PCDH9: variants seen among roughly 807,000 people sequenced by gnomAD.
PCDH9 encodes protocadherin-9.
A neutral mutation model predicts 70.6 loss-of-function variants in PCDH9; 24 were observed. The observed-to-expected ratio is 0.34, with a 90% CI of 0.25 to 0.48. PCDH9 has a LOEUF of 0.48. PCDH9 is among the 20% of genes least tolerant of loss of function. The pLI is 0.99. For missense variants in PCDH9, 1,281 were observed against 1,503.6 expected (o/e 0.85, Z 2.45); for synonymous variants, 562 against 558.5 (o/e 1.01, Z -0.09).
At chr13:66,525,810 C>T (rs9540790) in intron 4 of PCDH9, among the ~76,000 whole-genome samples, 36,798 of 152,032 alleles carry the variant, frequency 0.24, 4,862 homozygotes, top group East Asian at 0.34. Flanking sequence ...AGCTTGTCAT[C>T]TCTTTCAAAT....
intron 4 of PCDH9, among the ~76,000 whole-genome samples, chr13:66,501,958 C>A (rs1384249727): frequency 6.6e-6 from 1 of 152,014 alleles, no homozygotes; most frequent in African/African-American, 2.4e-5. Flanking sequence ...GAGTGCTGTT[C>A]TGGTCTGGAG....
Position 66,419,120 on chromosome 13 carries a change from C to T in PCDH9, c.3341-114092G>A, listed in dbSNP as rs554184722. ...TAATAGCCTACCAACCAAAAAAAGC[C>T]CAGGACCAGACGGATTTTCTATTGT... On this transcript the variant is annotated intron_variant, in intron 4 of 4. Transcript: ENST00000377865. Among the ~76,000 whole-genome samples, 13 of 152,046 alleles carry T rather than the reference C, an allele frequency of 8.6e-5. No individual in the cohort carries two copies. The South Asian group carries it at 2.7e-3, about 32-fold the overall frequency.
In PCDH9 at chr13:66,952,762, T is replaced by C. The variant is rs145890551; in HGVS notation, c.3037-49157A>G. Among the ~76,000 whole-genome samples the C allele has an allele frequency of 2.8e-4, 42 of 152,204 alleles. 1 individual carries two copies. In the South Asian group the frequency reaches 5.8e-3, roughly 21 times the overall value. The stretch of plus-strand genomic sequence containing the variant: ...CTTTTTCCCAAGCCACCATCTTCTA[T>C]TGACCAGCCTAAACTCTCACACCTA... On this transcript the variant is annotated intron_variant, in intron 2 of 4. Transcript: ENST00000377865.
At chr13:66,498,182 C>T (rs1206544811) in intron 4 of PCDH9, among the ~76,000 whole-genome samples, 8 of 141,568 alleles carry the variant, frequency 5.7e-5, no homozygotes, top group South Asian at 4.7e-4. Flanking sequence ...CTCGCTCTGT[C>T]GCCCAGGCTG....
chr13:67,061,380 T>C (rs2085535791), intron 2 of PCDH9, among the ~76,000 whole-genome samples: 2 of 61,652 alleles, frequency 3.2e-5, no homozygotes, highest in Admixed American at 2.6e-4. Context: ...TCTGTCTGTC[T>C]GTTTGTCTGT....
chr13:66,404,999 G>T (rs950284295), intron 4 of PCDH9, among the ~76,000 whole-genome samples: 1 of 151,998 alleles, frequency 6.6e-6, no homozygotes, highest in Admixed American at 6.6e-5. Flanking sequence ...TGTTTTTAAA[G>T]AAATAAATGA....
intron 4 of PCDH9, among the ~76,000 whole-genome samples, chr13:66,592,697 T>C (rs887375939): frequency 2.0e-5 from 3 of 151,716 alleles, no homozygotes; most frequent in African/African-American, 7.2e-5. Flanking sequence ...TTGTCTATTG[T>C]AAGGCAAATG....
At chr13:67,196,557 G>A (rs9317648) in intron 2 of PCDH9, among the ~76,000 whole-genome samples, 11,370 of 152,026 alleles carry the variant, frequency 0.075, 499 homozygotes, top group Middle Eastern at 0.14. Context: ...GTAAATGTAT[G>A]GAGAAAAGCA....
intron 3 of PCDH9, among the ~76,000 whole-genome samples, chr13:66,812,574 C>G (rs1297471523): frequency 6.6e-6 from 1 of 152,124 alleles, no homozygotes. Context: ...GCCTAGGGCA[C>G]TGTTGGAGCC....
At chr13:66,592,198 A>C (rs564854091) in intron 4 of PCDH9, among the ~76,000 whole-genome samples, 8 of 151,746 alleles carry the variant, frequency 5.3e-5, no homozygotes, top group African/African-American at 7.2e-5. Flanking sequence ...TCAACCAAGC[A>C]GTGCTTTGTG....
chr13:66,551,131 T>C (rs537196431), intron 4 of PCDH9, among the ~76,000 whole-genome samples: 3 of 152,304 alleles, frequency 2.0e-5, no homozygotes, highest in Admixed American at 6.5e-5. Flanking sequence ...ACAAATACTT[T>C]ATTTTTTGCT....
At chr13:66,887,034 A>AACACACACACACACAC (rs9317623) in intron 3 of PCDH9, among the ~76,000 whole-genome samples, 1 of 143,874 alleles carries the variant, frequency 7.0e-6, no homozygotes, top group Non-Finnish European at 1.5e-5. Flanking sequence ...CAAATATAAT[A>AACACACACACACACAC]ACACACACAC....
intron 4 of PCDH9, among the ~76,000 whole-genome samples, chr13:66,373,024 T>A (rs1372454878): frequency 6.6e-6 from 1 of 151,964 alleles, no homozygotes; most frequent in East Asian, 1.9e-4. Flanking sequence ...ATGGACATAG[T>A]TGTAAATTAG....
chr13:66,908,147 T>G (rs1012971717), intron 2 of PCDH9, among the ~76,000 whole-genome samples: 2 of 152,216 alleles, frequency 1.3e-5, no homozygotes, highest in African/African-American at 4.8e-5. Flanking sequence ...TGTATTAGGT[T>G]TCAAGCACGC....
intron 4 of PCDH9, among the ~76,000 whole-genome samples, chr13:66,547,638 C>A (rs1961266630): frequency 6.6e-6 from 1 of 151,854 alleles, no homozygotes; most frequent in Non-Finnish European, 1.5e-5. Flanking sequence ...TAATTTTACC[C>A]AAAAATAACA....
At chr13:67,130,262 G>C (rs1208127789) in intron 2 of PCDH9, among the ~76,000 whole-genome samples, 1 of 152,004 alleles carries the variant, frequency 6.6e-6, no homozygotes, top group Admixed American at 6.6e-5. Flanking sequence ...ATACCATCTT[G>C]CTACTAGAAA....
At chr13:66,633,331 G>C (rs2077596531) in intron 3 of PCDH9, among the ~76,000 whole-genome samples, 1 of 152,104 alleles carries the variant, frequency 6.6e-6, no homozygotes, top group Admixed American at 6.6e-5. Context: ...TATAGAAAAG[G>C]CAAGCTAAGC....
chr13:66,581,218 C>T (rs1312711110), intron 4 of PCDH9, among the ~76,000 whole-genome samples: 1 of 152,094 alleles, frequency 6.6e-6, no homozygotes, highest in African/African-American at 2.4e-5. Flanking sequence ...AATGCTTTAG[C>T]TTACTACAAC....
At chr13:67,071,334 G>T (rs1308941182) in intron 2 of PCDH9, among the ~76,000 whole-genome samples, 2 of 152,192 alleles carry the variant, frequency 1.3e-5, no homozygotes. Context: ...AAAGCCAATT[G>T]ATATCACTAT....
Sources: gnomAD v4.1 joint callset for allele counts (sites outside exome capture counted in the v4.1 genomes callset) on GRCh38, gnomAD v4.1.1 for gene constraint, MANE v1.5 for transcripts, NCBI Gene and HGNC (gene_info 2026-07-23, HGNC 2026-07-21) for gene names.